Variants in ADCY8 observed in about 807,000 individuals in gnomAD.
ADCY8 encodes adenylate cyclase type 8.
A neutral mutation model predicts 119.7 loss-of-function variants in ADCY8; 51 were observed. That is an observed-to-expected ratio of 0.43 (90% confidence interval 0.34 to 0.54). The LOEUF (loss-of-function observed/expected upper bound fraction) is 0.54. Among genes scored for constraint, ADCY8 ranks in the 20% least tolerant of loss-of-function variants. The pLI is 0.03. For missense variants in ADCY8, 1,383 were observed against 1,598.8 expected (o/e 0.87, Z 2.30); for synonymous variants, 665 against 651.0 (o/e 1.02, Z -0.33).
At chr8:131,004,837 T>G (rs1023436811) in intron 1 of ADCY8, among the ~76,000 whole-genome samples, 1 of 152,172 alleles carries the variant, frequency 6.6e-6, no homozygotes, top group East Asian at 1.9e-4. Flanking sequence ...TAGATTCTCA[T>G]GGACACTCAC....
chr8:130,791,539 G>C (rs1328390185), intron 15 of ADCY8, among the ~76,000 whole-genome samples: 1 of 152,220 alleles, frequency 6.6e-6, no homozygotes, highest in Admixed American at 6.5e-5. Flanking sequence ...AGGGGCTGTG[G>C]CATAGGTATT....
chr8:130,865,351 TTTTA>T (rs1411687094), intron 9 of ADCY8, among the ~76,000 whole-genome samples: 1 of 152,006 alleles, frequency 6.6e-6, no homozygotes, highest in East Asian at 1.9e-4. Flanking sequence ...ATTTTAAAAT[TTTTA>T]TTTATTTCTT....
chr8:131,024,000 C>A (rs766529441), intron 1 of ADCY8, among the ~76,000 whole-genome samples: 1 of 152,170 alleles, frequency 6.6e-6, no homozygotes, highest in Non-Finnish European at 1.5e-5. Context: ...GTTCTAGATA[C>A]AGGGCAAAGA....
chr8:131,015,638 T>C (rs1381666072), intron 1 of ADCY8, among the ~76,000 whole-genome samples: 6 of 152,242 alleles, frequency 3.9e-5, no homozygotes. Flanking sequence ...CAGCTGTTAC[T>C]ACTCTAAAAA....
chr8:130,943,801 C>A (rs1312238040), intron 3 of ADCY8, among the ~76,000 whole-genome samples: 1 of 152,122 alleles, frequency 6.6e-6, no homozygotes, highest in African/African-American at 2.4e-5. Flanking sequence ...TATGAATTAT[C>A]TCCATATTTT....
intron 5 of ADCY8, among the ~76,000 whole-genome samples, chr8:130,916,565 C>T (rs1219139556): frequency 1.3e-5 from 2 of 152,240 alleles, no homozygotes; most frequent in Non-Finnish European, 2.9e-5. Flanking sequence ...AATAAAATCT[C>T]TGCAGCAATG....
At chr8:131,035,769 C>T (rs1249544307) in intron 1 of ADCY8, among the ~76,000 whole-genome samples, 1 of 152,144 alleles carries the variant, frequency 6.6e-6, no homozygotes, top group Non-Finnish European at 1.5e-5. Context: ...TCTATACTCC[C>T]ATTTTCGTTT....
In ADCY8 at chr8:131,039,796, T is replaced by C. The variant is rs1443703335; in HGVS notation, c.538A>G (p.Lys180Glu). 1 of 1,614,058 alleles carries C rather than the reference T, an allele frequency of 6.2e-7. No homozygotes were observed. Among genetic ancestry groups the C allele is most frequent in the Non-Finnish European group, 8.5e-7 (1 of 1,180,040 alleles). The change falls in exon 1 of 18, where the codon AAA becomes GAA. Residue 180 changes from lysine to glutamate, a missense_variant. This residue lies in a region of ADCY8 where 455 missense variants were observed against 435.3 expected (regional missense o/e 1.05). Transcript: ENST00000286355. ...AGCACGTTCATCACCACTTCCGATT[T>C]GCGCCTTTGGCCCAAGAAATAGCGC... ...YQRYFLGQRR[K>E]SEVVMNVLDV...
At chr8:130,969,451 C>T (rs962061323) in intron 2 of ADCY8, among the ~76,000 whole-genome samples, 1 of 152,270 alleles carries the variant, frequency 6.6e-6, no homozygotes, top group East Asian at 1.9e-4. Context: ...CTCTGTTTCT[C>T]TGTGGAACCC....
At chr8:130,998,517 G>A (rs1822849030) in intron 1 of ADCY8, among the ~76,000 whole-genome samples, 1 of 152,144 alleles carries the variant, frequency 6.6e-6, no homozygotes, top group Admixed American at 6.5e-5. Context: ...GCCAGACCAT[G>A]GAGGGTCTTG....
At chr8:130,964,248 CT>C (rs1254575361) in intron 2 of ADCY8, among the ~76,000 whole-genome samples, 13 of 152,220 alleles carry the variant, frequency 8.5e-5, no homozygotes, top group African/African-American at 3.1e-4. Context: ...CTAACCCACT[CT>C]CTTCAATCAC....
intron 13 of ADCY8, among the ~76,000 whole-genome samples, chr8:130,816,170 A>T (rs2130178934): frequency 6.6e-6 from 1 of 152,332 alleles, no homozygotes; most frequent in East Asian, 1.9e-4. Context: ...AAGGTTATCC[A>T]TTCAGCAGAA....
intron 5 of ADCY8, among the ~76,000 whole-genome samples, chr8:130,928,897 C>T (rs893799131): frequency 1.8e-4 from 28 of 152,206 alleles, no homozygotes; most frequent in South Asian, 4.1e-4. Context: ...ATAGAATTCA[C>T]AGTGAAACCA....
chr8:130,824,931 C>A (rs993624899), intron 12 of ADCY8, among the ~76,000 whole-genome samples: 4 of 152,218 alleles, frequency 2.6e-5, no homozygotes, highest in Non-Finnish European at 2.9e-5. Context: ...AGTCTTTCTG[C>A]ATCCATTCTT....
intron 7 of ADCY8, among the ~76,000 whole-genome samples, chr8:130,897,723 C>A (rs1819446969): frequency 6.7e-6 from 1 of 149,784 alleles, no homozygotes; most frequent in Admixed American, 6.6e-5. Context: ...ATACACACAT[C>A]ACACACATAC....
chr8:130,820,267 T>C (rs1816467277), intron 13 of ADCY8, among the ~76,000 whole-genome samples: 1 of 152,216 alleles, frequency 6.6e-6, no homozygotes, highest in Non-Finnish European at 1.5e-5. Context: ...TTTTGGGCTG[T>C]TTCATCCCTA....
At chr8:131,005,225 G>A (rs925981426) in intron 1 of ADCY8, among the ~76,000 whole-genome samples, 2 of 152,192 alleles carry the variant, frequency 1.3e-5, no homozygotes, top group African/African-American at 4.8e-5. Context: ...TTCTTCCTGG[G>A]TGGCTATAAA....
chr8:130,822,286 T>C (rs1271989035), intron 12 of ADCY8, among the ~76,000 whole-genome samples: 2 of 152,192 alleles, frequency 1.3e-5, no homozygotes, highest in Non-Finnish European at 2.9e-5. Flanking sequence ...GGATGGGTTC[T>C]CTAGGTACAG....
intron 5 of ADCY8, among the ~76,000 whole-genome samples, chr8:130,931,855 T>A (rs1036617594): frequency 6.6e-6 from 1 of 151,970 alleles, no homozygotes; most frequent in African/African-American, 2.4e-5. Flanking sequence ...TTTTATTAAT[T>A]TTTTTTTGCA....
Sources: gnomAD v4.1 joint callset for allele counts (sites outside exome capture counted in the v4.1 genomes callset) on GRCh38, gnomAD v4.1.1 for gene constraint, gnomAD v4.1.1 regional missense constraint, MANE v1.5 for transcripts, NCBI Gene and HGNC (gene_info 2026-07-23, HGNC 2026-07-21) for gene names.